The following APCDD1 variants were observed in gnomAD, a reference collection of about 807,000 sequenced individuals.
APCDD1 encodes APC down-regulated 1.
APCDD1 carries 15 observed loss-of-function variants against 38.1 expected under a neutral mutation model. The observed-to-expected ratio is 0.39, with a 90% CI of 0.26 to 0.61. The LOEUF (loss-of-function observed/expected upper bound fraction) is 0.61. Among genes scored for constraint, APCDD1 ranks in the 20% least tolerant of loss-of-function variants. The pLI is 0.49. For synonymous variants in APCDD1, 261 were observed against 279.7 expected, an observed-to-expected ratio of 0.93 and a Z score of 0.67; for missense variants, 647 against 696.2, an observed-to-expected ratio of 0.93 and a Z score of 0.79.
rs1447223400 is a variant in APCDD1 at position 10,485,551 on chromosome 18, C to T, written c.864C>T (p.Thr288=). Residue 288 remains threonine (T), a synonymous_variant, in exon 4 of 5, where the codon ACC becomes ACT. Coordinates refer to ENST00000355285, the MANE Select transcript of APCDD1 (RefSeq NM_153000.5). The surrounding 1 kb of genome is among the most constrained non-coding windows in gnomAD (Gnocchi z 5.8). Reference sequence around the variant, plus strand: ...TCCTGCCCCCAAAGGCAGACCTGACCATCGGCCTGCACGGGGAGTGGGTGA... The same window carrying T: ...TCCTGCCCCCAAAGGCAGACCTGACTATCGGCCTGCACGGGGAGTGGGTGA... ...PPILPPKADL[T]IGLHGEWVSQ... 1 of 1,614,036 alleles carries T rather than the reference C, an allele frequency of 6.2e-7. No individual in the cohort carries two copies. Among genetic ancestry groups the T allele is most frequent in the Non-Finnish European group, 8.5e-7 (1 of 1,180,042 alleles).
At position 10,485,308 on chromosome 18, in the gene APCDD1, C is replaced by T. The variant is rs1465964857; in HGVS notation, c.775-154C>T. 1.3e-5 allele frequency among the ~76,000 whole-genome samples: 2 copies of T among 152,146 alleles called. No individual in the cohort carries two copies. The highest frequency in any genetic ancestry group is 2.4e-5 in the African/African-American group (1 of 41,440). On this transcript the variant is annotated intron_variant, in intron 3 of 4. Transcript: ENST00000355285. The surrounding 1 kb of genome is among the most constrained non-coding windows in gnomAD (Gnocchi z 5.8). ...ACTCACACATCACTCTCACCTCTGT[C>T]TGTGCCCGGAGCATGATTCCAGTTG...
chr18:10,479,088 G>A (rs1368984554), intron 3 of APCDD1, among the ~76,000 whole-genome samples: 1 of 152,224 alleles, frequency 6.6e-6, no homozygotes, highest in Admixed American at 6.5e-5. Context: ...CAAAGGACTC[G>A]TAATACAGAA....
In APCDD1 at chr18:10,469,675, G is replaced by A. The variant is rs1055356434; in HGVS notation, c.242+1023G>A. ...CAGGTGCTAAAAGAGAATACCAGGGGGCCCCATTTTAAAATCAGGGCGGAG... is the reference window on the plus strand; with the variant it reads ...CAGGTGCTAAAAGAGAATACCAGGGAGCCCCATTTTAAAATCAGGGCGGAG... On this transcript the variant is annotated intron_variant, in intron 2 of 4. Coordinates refer to ENST00000355285, the MANE Select transcript of APCDD1 (RefSeq NM_153000.5). This position sits in a 1 kb window ranked among gnomAD's most constrained non-coding sequence, Gnocchi z 5.5. 6.6e-6 allele frequency among the ~76,000 whole-genome samples: 1 copy of A among 152,012 alleles called. No individual in the cohort carries two copies. The highest frequency in any genetic ancestry group is 2.4e-5 in the African/African-American group (1 of 41,306).
chr18:10,472,167 A>T lies in APCDD1; in HGVS notation c.774+106A>T. ...GCACCCTTGAAAGGGGGAATTCTGC[A>T]TCATGGCGGGGCAGGCCAAGGTGGG... On this transcript the variant is annotated intron_variant, in intron 3 of 4. Transcript: ENST00000355285. This position sits in a 1 kb window ranked among gnomAD's most constrained non-coding sequence, Gnocchi z 6.6. 6.6e-7 allele frequency: 1 copy of T among 1,514,542 alleles called. No individual in the cohort carries two copies. Among genetic ancestry groups the T allele is most frequent in the Non-Finnish European group, 9.1e-7 (1 of 1,101,848 alleles). 93.8% of individuals were successfully genotyped at this position (1,514,542 alleles called of 1,614,324 possible).
chr18:10,466,090 C>T (rs992591427), intron 1 of APCDD1, among the ~76,000 whole-genome samples: 1 of 152,226 alleles, frequency 6.6e-6, no homozygotes, highest in African/African-American at 2.4e-5. Context: ...GCAGAATCTT[C>T]CCCAACTCCC....
At position 10,476,177 on chromosome 18, in the gene APCDD1, G is replaced by C. The variant is rs1185956984; in HGVS notation, c.774+4116G>C. On this transcript the variant is annotated intron_variant, in intron 3 of 4. Coordinates refer to ENST00000355285, the MANE Select transcript of APCDD1 (RefSeq NM_153000.5). The surrounding 1 kb of genome is among the most constrained non-coding windows in gnomAD (Gnocchi z 5.8). ...ACTTCCCTAATTGCTGGTCCATAGA[G>C]ACCAAGCTGAAAATTAGTTTAAATG... The C allele has an allele frequency of 6.6e-6, 1 of 152,226 alleles. No individual in the cohort carries two copies. Among genetic ancestry groups the C allele is most frequent in the East Asian group, 1.9e-4 (1 of 5,192 alleles). 9.4% of individuals were successfully genotyped at this position (152,226 alleles called of 1,614,324 possible).
chr18:10,457,537 C>T (rs1163358778), intron 1 of APCDD1, among the ~76,000 whole-genome samples: 1 of 152,048 alleles, frequency 6.6e-6, no homozygotes, highest in East Asian at 1.9e-4. Context: ...TTTTGCTAAC[C>T]ATAGGATACC....
In APCDD1 at chr18:10,471,924, C is replaced by T. The variant is rs777594465; in HGVS notation, c.637C>T (p.Arg213Trp). Residue 213 changes from arginine (R) to tryptophan (W), a missense_variant, in exon 3 of 5, where the codon CGG becomes TGG. Coordinates refer to ENST00000355285, the MANE Select transcript of APCDD1 (RefSeq NM_153000.5). This position sits in a 1 kb window ranked among gnomAD's most constrained non-coding sequence, Gnocchi z 5.5. ...NFAMHELQLI[R>W]VEKQYLHHNL... ...TGCCATGCATGAACTTCAGCTCATC[C>T]GGGTGGAGAAGCAGTACCTTCACCA... 6.8e-6 allele frequency: 11 copies of T among 1,613,996 alleles called. No individual in the cohort carries two copies. Among genetic ancestry groups the T allele is most frequent in the African/African-American group, 2.7e-5 (2 of 74,938 alleles).
intron 3 of APCDD1, among the ~76,000 whole-genome samples, chr18:10,484,008 T>C (rs1398174899): frequency 6.6e-6 from 1 of 152,214 alleles, no homozygotes; most frequent in African/African-American, 2.4e-5. Context: ...GTGCCCTGAC[T>C]TCCAGCATCT....
chr18:10,455,111 G>T, intron 1 of APCDD1, 72 bp downstream of exon 1: 2 of 1,540,180 alleles, frequency 1.3e-6, no homozygotes, highest in South Asian at 2.4e-5. Context: ...GCCCGCGGAG[G>T]CGTCGGGTCT....
At chr18:10,474,771 C>T (rs2030952258) in intron 3 of APCDD1, among the ~76,000 whole-genome samples, 3 of 152,320 alleles carry the variant, frequency 2.0e-5, no homozygotes, top group Admixed American at 6.5e-5. Context: ...CAGGAGGGGA[C>T]ACTTCATTCC....
Position 10,488,148 on chromosome 18 carries a change from C to T in APCDD1, c.*110C>T. On this transcript the variant is annotated 3_prime_UTR_variant, in exon 5 of 5. Transcript: ENST00000355285. ...TTTGATGCACTTGAATGCCAGAGAA[C>T]TGTCCTTCTTTTTCTCCTCTCCCTC... is the stretch of plus-strand genomic sequence containing the variant. The T allele has an allele frequency of 7.3e-7, 1 of 1,361,080 alleles. No homozygotes were observed. Among genetic ancestry groups the T allele is most frequent in the East Asian group, 2.5e-5 (1 of 40,456 alleles). 84.3% of individuals were successfully genotyped at this position (1,361,080 alleles called of 1,614,324 possible).
At chr18:10,468,427 GCTA>G in intron 1 of APCDD1, 39 bp from the exon 2 acceptor site, 1 of 1,609,238 alleles carries the variant, frequency 6.2e-7, no homozygotes, top group Non-Finnish European at 8.5e-7. Flanking sequence ...CATGTCTGCT[GCTA>G]CTTCTTCTTT....
In APCDD1 at chr18:10,471,239, A is replaced by G. The variant is rs2030843502; in HGVS notation, c.243-291A>G. ...GCAGAGTGATTAGGAGCACAGCATC[A>G]GAGCCAGGCTGCCTGGATTCATGGA... On this transcript the variant is annotated intron_variant, in intron 2 of 4. Transcript: ENST00000355285. The surrounding 1 kb of genome is among the most constrained non-coding windows in gnomAD (Gnocchi z 5.5). Among the ~76,000 whole-genome samples, 1 of 152,228 alleles carries G rather than the reference A, an allele frequency of 6.6e-6. No homozygotes were observed. Among genetic ancestry groups the G allele is most frequent in the Admixed American group, 6.5e-5 (1 of 15,286 alleles).
intron 1 of APCDD1, among the ~76,000 whole-genome samples, chr18:10,456,022 G>T (rs547825331): frequency 1.6e-4 from 24 of 152,324 alleles, no homozygotes; most frequent in South Asian, 2.1e-4. Context: ...GCGGGCTCCG[G>T]CTTCAGAATG....
intron 3 of APCDD1, among the ~76,000 whole-genome samples, chr18:10,482,520 C>A (rs185689344): frequency 6.6e-6 from 1 of 152,198 alleles, no homozygotes; most frequent in African/African-American, 2.4e-5. Context: ...TTCATGTGGC[C>A]TCTCTTATTT....
chr18:10,463,040 G>A (rs1328086596), intron 1 of APCDD1, among the ~76,000 whole-genome samples: 1 of 152,018 alleles, frequency 6.6e-6, no homozygotes, highest in Non-Finnish European at 1.5e-5. Context: ...GTTAACAGAT[G>A]TGTGGTGCTC....
chr18:10,455,683 T>G (rs6505558), intron 1 of APCDD1, among the ~76,000 whole-genome samples: 88,496 of 152,014 alleles, frequency 0.58, 26,920 homozygotes, highest in African/African-American at 0.77. Flanking sequence ...AGTCTCCCAA[T>G]GTGCACCCCA....
At chr18:10,482,046 C>A (rs73942646) in intron 3 of APCDD1, among the ~76,000 whole-genome samples, 7,671 of 152,194 alleles carry the variant, frequency 0.05, 263 homozygotes, top group African/African-American at 0.088. Flanking sequence ...CCCTCCCCTC[C>A]CCCGAGCCTT....
Sources: gnomAD v4.1 joint callset for allele counts (sites outside exome capture counted in the v4.1 genomes callset) on GRCh38, gnomAD v4.1.1 for gene constraint, Gnocchi (gnomAD v3.1) non-coding constraint, MANE v1.5 for transcripts, NCBI Gene and HGNC (gene_info 2026-07-23, HGNC 2026-07-21) for gene names.